ENPP1: variants seen among roughly 807,000 people sequenced by gnomAD.
ENPP1 encodes ectonucleotide pyrophosphatase/phosphodiesterase 1, also known as ectonucleotide pyrophosphatase/phosphodiesterase family member 1.
ENPP1 carries 73 observed loss-of-function variants against 122.8 expected under a neutral mutation model. The ratio of observed to expected loss-of-function variants is 0.59; its 90% CI spans 0.49 to 0.72. The LOEUF (loss-of-function observed/expected upper bound fraction) is 0.72. ENPP1 is among the 30% of genes least tolerant of loss of function. ENPP1 has a pLI of 0.00. For missense variants in ENPP1, 978 were observed against 1,128.1 expected, an observed-to-expected ratio of 0.87 and a Z score of 1.91; for synonymous variants, 367 against 391.6, an observed-to-expected ratio of 0.94 and a Z score of 0.74.
At chr6:131,853,851 T>C (rs557355825) in intron 5 of ENPP1, among the ~76,000 whole-genome samples, 1 of 152,298 alleles carries the variant, frequency 6.6e-6, no homozygotes, top group South Asian at 2.1e-4. Flanking sequence ...CATGGCCGTT[T>C]TGGGGTAGCC....
chr6:131,851,348 A>G lies in ENPP1; in HGVS notation c.556+81A>G, dbSNP rs564554828. The G allele has an allele frequency of 2.1e-4, 336 of 1,571,632 alleles. 1 individual carries two copies. The African/African-American group carries it at 2.7e-3, about 13-fold the overall frequency. On this transcript the variant is annotated intron_variant, in intron 4 of 24. Transcript: ENST00000647893. ...GCTTTACATAGGTGTTATCTTTTATATTAGGAGTCATGGCTATTGGCCAAC... is the reference window on the plus strand; with the variant it reads ...GCTTTACATAGGTGTTATCTTTTATGTTAGGAGTCATGGCTATTGGCCAAC...
chr6:131,827,798 G>A (rs1172593136), intron 1 of ENPP1: 7 of 939,152 alleles, frequency 7.5e-6, no homozygotes, highest in Admixed American at 1.7e-5. Flanking sequence ...TGCAGGTGGG[G>A]CAATGACTGC....
intron 20 of ENPP1, among the ~76,000 whole-genome samples, chr6:131,880,380 G>A (rs1162787182): frequency 2.0e-5 from 3 of 151,928 alleles, no homozygotes; most frequent in Non-Finnish European, 2.9e-5. Context: ...TGGCTAACAC[G>A]GTGAAACTCC....
At chr6:131,835,218 C>T (rs1781660013) in intron 1 of ENPP1, among the ~76,000 whole-genome samples, 1 of 152,156 alleles carries the variant, frequency 6.6e-6, no homozygotes, top group African/African-American at 2.4e-5. Flanking sequence ...AAATATGAAT[C>T]ATTCCTGCTT....
chr6:131,808,249 C>G lies in ENPP1; in HGVS notation c.214C>G (p.Pro72Ala). ...KAARARTAKD[P>A]NTYKVLSLVL... is the part of the protein sequence containing the mutation. ...GGCGCGCGCCCGCACTGCCAAGGACCCCAACACCTATAAAGTACTCTCGCT... is the reference window on the plus strand; with the variant it reads ...GGCGCGCGCCCGCACTGCCAAGGACGCCAACACCTATAAAGTACTCTCGCT... Residue 72 changes from proline to alanine, a missense_variant, in exon 1 of 25, where the codon CCC (proline) becomes GCC (alanine). Transcript: ENST00000647893. The G allele has an allele frequency of 6.6e-7, 1 of 1,519,380 alleles. No individual in the cohort carries two copies. Among genetic ancestry groups the G allele is most frequent in the Non-Finnish European group, 8.8e-7 (1 of 1,133,122 alleles). 94.1% of individuals were successfully genotyped at this position (1,519,380 alleles called of 1,614,324 possible). A position where few individuals can be genotyped will look rare whatever the true frequency, so the allele number is the denominator to read the frequency against.
In ENPP1 at chr6:131,888,157, C is replaced by T. The variant is rs187188393; in HGVS notation, c.2607+1433C>T. ...GGTTACAGTCATGAGCCACTGTGCCCGGCCCATTTTAGCAATTTTTAAGTT... is the reference window on the plus strand; with the variant it reads ...GGTTACAGTCATGAGCCACTGTGCCTGGCCCATTTTAGCAATTTTTAAGTT... On this transcript the variant is annotated intron_variant, in intron 24 of 24. Coordinates refer to ENST00000647893, the MANE Select transcript of ENPP1 (RefSeq NM_006208.3). 4.5e-4 allele frequency among the ~76,000 whole-genome samples: 69 copies of T among 151,918 alleles called. 1 individual carries two copies. Among genetic ancestry groups the T allele is most frequent in the Middle Eastern group, 3.4e-3 (1 of 290 alleles).
intron 1 of ENPP1, among the ~76,000 whole-genome samples, chr6:131,824,557 C>A (rs575251831): frequency 2.0e-5 from 3 of 152,036 alleles, no homozygotes; most frequent in African/African-American, 7.2e-5. Flanking sequence ...CAGGTTCAAG[C>A]GATTCTCCTG....
intron 6 of ENPP1, 91 bp downstream of exon 6, chr6:131,855,114 C>A (rs926224112): frequency 2.1e-6 from 2 of 952,420 alleles, no homozygotes; most frequent in African/African-American, 1.6e-5. Context: ...ACTGGCAGAA[C>A]CTAACTGTTT....
intron 1 of ENPP1, among the ~76,000 whole-genome samples, chr6:131,839,700 A>C (rs1370678200): frequency 6.6e-6 from 1 of 152,018 alleles, no homozygotes; most frequent in Admixed American, 6.6e-5. Context: ...GTATAACCAA[A>C]AATTGGGACC....
intron 24 of ENPP1, among the ~76,000 whole-genome samples, chr6:131,889,968 CT>C (rs933812217): frequency 6.7e-6 from 1 of 149,900 alleles, no homozygotes; most frequent in Non-Finnish European, 1.5e-5. Flanking sequence ...TGTTTTTTGA[CT>C]TTTTAATAAT....
At chr6:131,827,995 G>A in intron 1 of ENPP1, 1 of 708,944 alleles carries the variant, frequency 1.4e-6, no homozygotes, top group Non-Finnish European at 2.6e-6. Context: ...ACCTGGGGTA[G>A]TGAAGCCATA....
At chr6:131,852,080 C>T (rs1487725184) in intron 4 of ENPP1, 95 bp from the exon 5 acceptor site, 2 of 796,056 alleles carry the variant, frequency 2.5e-6, no homozygotes, top group African/African-American at 3.4e-5. Context: ...TGTTCACATA[C>T]TTTGTTTTTG....
intron 1 of ENPP1, among the ~76,000 whole-genome samples, chr6:131,831,133 AAAAAG>A (rs1474005551): frequency 7.4e-4 from 110 of 148,692 alleles, no homozygotes; most frequent in Non-Finnish European, 1.2e-3. Flanking sequence ...AAAAAAAAAA[AAAAAG>A]AAAAGAAAAT....
At position 131,892,849 on chromosome 6, in the gene ENPP1, C is replaced by A; in HGVS notation, c.*2338C>A. ...TGGAGTACAGCCTTTTTTACCCTTG[C>A]TTGGCTACCCTTTTCTGGTCCTTTG... On this transcript the variant is annotated 3_prime_UTR_variant, in exon 25 of 25. Coordinates refer to ENST00000647893, the MANE Select transcript of ENPP1 (RefSeq NM_006208.3). 1 of 152,234 alleles carries A rather than the reference C, an allele frequency of 6.6e-6. No individual in the cohort carries two copies. Among genetic ancestry groups the A allele is most frequent in the East Asian group, 1.9e-4 (1 of 5,154 alleles). 9.4% of individuals were successfully genotyped at this position (152,234 alleles called of 1,614,324 possible). A position where few individuals can be genotyped will look rare whatever the true frequency, so the allele number is the denominator to read the frequency against.
chr6:131,845,182 A>G (rs933628544), intron 1 of ENPP1, among the ~76,000 whole-genome samples: 1 of 146,392 alleles, frequency 6.8e-6, no homozygotes, highest in African/African-American at 2.5e-5. Context: ...ACAGGAGCCT[A>G]CCACTGCACC....
chr6:131,808,020 A>AGCGGCCGGG lies in ENPP1; in HGVS notation c.-13_-5dup, dbSNP rs1212938937. The stretch of plus-strand genomic sequence containing the variant: ...AGGCGCGGCCGGGCAGCGGGGCCGG[A>AGCGGCCGGG]GCGGCCGGGGCCACGATGGAGCGCG... On this transcript the variant is annotated 5_prime_UTR_variant, in exon 1 of 25. Coordinates refer to ENST00000647893, the MANE Select transcript of ENPP1 (RefSeq NM_006208.3). The AGCGGCCGGG allele has an allele frequency of 1.1e-4, 98 of 927,260 alleles. No homozygotes were observed. In the Middle Eastern group the frequency reaches 1.7e-3, roughly 16 times the overall value. The allele number at this position is 927,260 out of a possible 1,614,324, so 57.4% of individuals were successfully genotyped here. A position where few individuals can be genotyped will look rare whatever the true frequency, so the allele number is the denominator to read the frequency against.
At chr6:131,826,227 A>G in intron 1 of ENPP1, 3 of 949,742 alleles carry the variant, frequency 3.2e-6, no homozygotes, top group Non-Finnish European at 5.2e-6. Context: ...TTTTGCACTG[A>G]AACAGCCCAT....
chr6:131,866,403 G>A (rs776141411), intron 11 of ENPP1, among the ~76,000 whole-genome samples: 14 of 152,168 alleles, frequency 9.2e-5, no homozygotes, highest in Non-Finnish European at 2.1e-4. Flanking sequence ...TGTTTTTGAG[G>A]GTGCTGCTTG....
At chr6:131,872,881 A>G (rs1416285094) in intron 14 of ENPP1, 42 bp from the exon 15 acceptor site, 2 of 1,606,178 alleles carry the variant, frequency 1.2e-6, no homozygotes, top group East Asian at 2.2e-5. Context: ...TTTTTTAGAT[A>G]TTAGGGAAAT....
Sources: allele counts gnomAD v4.1 joint callset (sites outside exome capture counted in the v4.1 genomes callset), GRCh38; gene constraint gnomAD v4.1.1; transcripts MANE v1.5; gene names NCBI Gene and HGNC (gene_info 2026-07-23, HGNC 2026-07-21).